The following MEGF11 variants were observed in gnomAD, a reference collection of about 807,000 sequenced individuals.
The protein encoded by MEGF11 is multiple EGF like domains 11.
A neutral mutation model predicts 146.6 loss-of-function variants in MEGF11; 126 were observed. The ratio of observed to expected loss-of-function variants is 0.86; its 90% confidence interval spans 0.74 to 1.00. The LOEUF is 1.00. MEGF11 is among the 50% of genes least tolerant of loss of function. MEGF11 has a pLI of 0.00. For synonymous variants in MEGF11, 532 were observed against 583.4 expected (o/e 0.91, Z 1.27); for missense variants, 1,509 against 1,521.2 (o/e 0.99, Z 0.13).
Position 65,916,952 on chromosome 15 carries a change from G to C in MEGF11, c.2091C>G (p.Cys697Trp), listed in dbSNP as rs1364356432. 1.3e-6 allele frequency: 2 copies of C among 1,510,596 alleles called. No homozygotes were observed. The highest frequency in any genetic ancestry group is 1.8e-6 in the Non-Finnish European group (2 of 1,125,472). 93.6% of individuals were successfully genotyped at this position (1,510,596 alleles called of 1,614,324 possible). A position where few individuals can be genotyped will look rare whatever the true frequency, so the allele number is the denominator to read the frequency against. Residue 697 changes from cysteine to tryptophan, a missense_variant, in exon 17 of 26, where the codon TGC becomes TGG. Transcript: ENST00000395614. ...GWIGKDCSQA[C>W]PPGFWGPACF... is the part of the protein sequence containing the mutation. Reference sequence around the variant, plus strand: ...AGGCGGGGCCCCAGAACCCGGGTGGGCAAGCTGGGATGTCGGTGAAATGCA... The same window carrying C: ...AGGCGGGGCCCCAGAACCCGGGTGGCCAAGCTGGGATGTCGGTGAAATGCA...
rs941024679 is a variant in MEGF11, at chr15:66,079,018, G to A, written c.394+15384C>T. 3.9e-5 allele frequency among the ~76,000 whole-genome samples: 6 copies of A among 152,158 alleles called. No individual in the cohort carries two copies. In the East Asian group the frequency reaches 9.6e-4, roughly 24 times the overall value. Reference sequence around the variant, plus strand: ...CAAAAATTCAGGAGGAGCCACACGTGCCAGGGCCCTGCCTCACCCCCACCT... The same window carrying A: ...CAAAAATTCAGGAGGAGCCACACGTACCAGGGCCCTGCCTCACCCCCACCT... On this transcript the variant is annotated intron_variant, in intron 5 of 25. Coordinates refer to ENST00000395614, the MANE Select transcript of MEGF11 (RefSeq NM_001385028.1).
At chr15:66,016,401 C>CGAGTTT (rs936577002) in intron 5 of MEGF11, among the ~76,000 whole-genome samples, 6 of 151,948 alleles carry the variant, frequency 3.9e-5, no homozygotes, top group African/African-American at 1.4e-4. Context: ...ATCACAACCC[C>CGAGTTT]GAGTTTTCTA....
chr15:66,097,564 A>C (rs12439661), intron 4 of MEGF11, among the ~76,000 whole-genome samples: 75,319 of 151,866 alleles, frequency 0.5, 19,953 homozygotes, highest in Non-Finnish European at 0.59. Flanking sequence ...CTGCACATCC[A>C]TCTGCTGTCG....
intron 4 of MEGF11, among the ~76,000 whole-genome samples, chr15:66,115,033 T>C (rs544391833): frequency 2.0e-5 from 3 of 152,314 alleles, no homozygotes; most frequent in African/African-American, 7.2e-5. Context: ...CAGAGCAAGT[T>C]GGTGGCTGAG....
intron 2 of MEGF11, 75 bp from the exon 3 acceptor site, chr15:66,124,075 G>T: frequency 8.2e-7 from 1 of 1,217,956 alleles, no homozygotes; most frequent in Non-Finnish European, 1.2e-6. Context: ...GGGCATCTGA[G>T]CCCACAGCCC....
At chr15:66,237,105 G>A (rs911573968) in intron 1 of MEGF11, among the ~76,000 whole-genome samples, 2 of 152,148 alleles carry the variant, frequency 1.3e-5, no homozygotes, top group African/African-American at 4.8e-5. Flanking sequence ...TTATGTGTCT[G>A]TCCATTTCCA....
intron 5 of MEGF11, among the ~76,000 whole-genome samples, chr15:65,995,312 C>T (rs1184426681): frequency 6.6e-6 from 1 of 152,206 alleles, no homozygotes; most frequent in Admixed American, 6.5e-5. Flanking sequence ...TGTTTGTTTT[C>T]TAATCCATCA....
chr15:65,944,678 T>C (rs1255026907), intron 10 of MEGF11, among the ~76,000 whole-genome samples: 4 of 152,194 alleles, frequency 2.6e-5, no homozygotes, highest in African/African-American at 9.7e-5. Context: ...CCTTCCTCTC[T>C]GGCTGAGAGT....
At position 66,160,242 on chromosome 15, in the gene MEGF11, C is replaced by CCTCTCTCTCTCTCTCTCTCTCTCT. The variant is rs143653192; in HGVS notation, c.-8-31855_-8-31832dup. On this transcript the variant is annotated intron_variant, in intron 1 of 25. Coordinates refer to ENST00000395614, the MANE Select transcript of MEGF11 (RefSeq NM_001385028.1). The stretch of plus-strand genomic sequence containing the variant: ...AGGACAAAGCCTCCCAAGGAAAAGC[C>CCTCTCTCTCTCTCTCTCTCTCTCT]CTCTCTCTCTCTCTCTCTCTCTCTC... 1.3e-4 allele frequency among the ~76,000 whole-genome samples: 18 copies of CCTCTCTCTCTCTCTCTCTCTCTCT among 133,504 alleles called. No individual in the cohort carries two copies. The East Asian group carries it at 2.1e-3, about 16-fold the overall frequency. 87.6% of individuals were successfully genotyped at this position (133,504 alleles called of 152,430 possible).
intron 4 of MEGF11, among the ~76,000 whole-genome samples, chr15:66,102,560 G>A (rs1251987252): frequency 6.6e-6 from 1 of 150,870 alleles, no homozygotes; most frequent in East Asian, 2.0e-4. Context: ...CCAAATAGCT[G>A]GAACTATAGG....
intron 10 of MEGF11, among the ~76,000 whole-genome samples, chr15:65,933,874 A>T (rs755097952): frequency 2.0e-5 from 3 of 152,248 alleles, no homozygotes; most frequent in Non-Finnish European, 2.9e-5. Context: ...TCCTCTTCTC[A>T]TAGGATTAAG....
chr15:65,910,726 G>T (rs1482309400), intron 21 of MEGF11, among the ~76,000 whole-genome samples: 1 of 152,206 alleles, frequency 6.6e-6, no homozygotes, highest in Non-Finnish European at 1.5e-5. Context: ...GACCAGGTCT[G>T]TAGGCTGATG....
intron 3 of MEGF11, among the ~76,000 whole-genome samples, chr15:66,119,751 C>T (rs1018707543): frequency 3.9e-5 from 6 of 152,142 alleles, no homozygotes; most frequent in African/African-American, 7.2e-5. Flanking sequence ...AGAGGAGCCT[C>T]GCATGCCATC....
chr15:66,042,658 C>G (rs1452218739), intron 5 of MEGF11, among the ~76,000 whole-genome samples: 1 of 152,180 alleles, frequency 6.6e-6, no homozygotes, highest in South Asian at 2.1e-4. Context: ...GGGACACACT[C>G]CCCCTGAAAC....
intron 10 of MEGF11, among the ~76,000 whole-genome samples, chr15:65,954,005 G>A (rs1186549403): frequency 6.6e-6 from 1 of 152,088 alleles, no homozygotes; most frequent in Non-Finnish European, 1.5e-5. Context: ...GGACAGCTGA[G>A]GATGCGGTTT....
intron 5 of MEGF11, among the ~76,000 whole-genome samples, chr15:65,989,363 C>A (rs58163032): frequency 0.21 from 31,997 of 152,056 alleles, 3,835 homozygotes; most frequent in East Asian, 0.59. Flanking sequence ...TGGGCCAAGG[C>A]CCCCACCTCC....
At chr15:66,036,242 AC>A (rs2083721457) in intron 5 of MEGF11, among the ~76,000 whole-genome samples, 2 of 152,328 alleles carry the variant, frequency 1.3e-5, no homozygotes, top group South Asian at 4.1e-4. Flanking sequence ...CACAGCAGTG[AC>A]CTACTCAGTC....
intron 1 of MEGF11, among the ~76,000 whole-genome samples, chr15:66,149,995 A>T (rs1402926839): frequency 6.6e-6 from 1 of 152,218 alleles, no homozygotes. Flanking sequence ...GGACCCCTCG[A>T]GCTGTCCGTT....
intron 5 of MEGF11, among the ~76,000 whole-genome samples, chr15:65,987,051 C>T (rs1596957336): frequency 6.6e-6 from 1 of 152,114 alleles, no homozygotes; most frequent in South Asian, 2.1e-4. Context: ...CAACTCACCC[C>T]CTTCCCCTGC....
Sources: gnomAD v4.1 joint callset for allele counts (sites outside exome capture counted in the v4.1 genomes callset) on GRCh38, gnomAD v4.1.1 for gene constraint, MANE v1.5 for transcripts, NCBI Gene and HGNC (gene_info 2026-07-23, HGNC 2026-07-21) for gene names.